The following ZNF469 variants were observed in gnomAD, a reference collection of about 807,000 sequenced individuals.
The protein encoded by ZNF469 is zinc finger protein 469.
Under a neutral mutation model 1.0 loss-of-function variants are expected in ZNF469, and 1 was observed. That is an observed-to-expected ratio of 1.00 (90% confidence interval 0.35 to 4.73). ZNF469 has a LOEUF of 4.73. ZNF469 is among the 30% of genes most tolerant of loss of function. ZNF469 has a pLI of 0.16. For missense variants in ZNF469, 6,100 were observed against 5,356.3 expected (o/e 1.14, Z -4.33); for synonymous variants, 2,703 against 2,363.4 (o/e 1.14, Z -4.17).
At chr16:88,251,170 G>T in the ZNF469 span, among the ~76,000 whole-genome samples, 28 of 152,282 alleles carry the variant, frequency 1.8e-4, no homozygotes, top group African/African-American at 6.5e-4. Context: ...GAGCCACCGC[G>T]CCCGGCCTGT....
At chr16:88,239,701 ATATATATATATATATTTTTTTTTTTT>A in the ZNF469 span, among the ~76,000 whole-genome samples, 73 of 8,658 alleles carry the variant, frequency 8.4e-3, 7 homozygotes, top group African/African-American at 0.016. Context: ...ATATATATAT[ATATATATATATATATTTTTTTTTTTT>A]TTTTTTTTTT....
At chr16:88,183,851 C>T in the ZNF469 span, among the ~76,000 whole-genome samples, 1 of 152,160 alleles carries the variant, frequency 6.6e-6, no homozygotes, top group Admixed American at 6.5e-5. Context: ...GCTGGGCCCA[C>T]CTTGCCCGGT....
upstream of ZNF469, among the ~76,000 whole-genome samples, chr16:88,380,131 ACAGACACACACT>A (rs1219611054): frequency 1.0e-4 from 11 of 108,692 alleles, no homozygotes; most frequent in African/African-American, 7.9e-4. Context: ...AAACACACAC[ACAGACACACACT>A]CACACACAAA....
At chr16:88,319,359 C>T in the ZNF469 span, among the ~76,000 whole-genome samples, 1 of 152,142 alleles carries the variant, frequency 6.6e-6, no homozygotes, top group Admixed American at 6.5e-5. Flanking sequence ...TCTGCAGGGC[C>T]AGGAGACTTT....
chr16:88,248,470 G>C, the ZNF469 span, among the ~76,000 whole-genome samples: 987 of 152,198 alleles, frequency 6.5e-3, 8 homozygotes, highest in Non-Finnish European at 0.01. Context: ...CCAGCACTTT[G>C]GGAGGCCAAG....
At position 88,437,449 on chromosome 16, in the gene ZNF469, C is replaced by A; in HGVS notation, c.9979C>A (p.Pro3327Thr). ...CGGGGAGCCCCTCCTGCAAGCCACC[C>A]CGGTGCACGAGGCCTGCAAGGACCC... ...AGGEPLLQAT[P>T]VHEACKDPSR... The change falls in exon 3 of 3, where the codon CCG (proline) becomes ACG (threonine). Residue 3327 changes from proline to threonine, a missense_variant. By Grantham distance (38) the Pro-to-Thr change is conservative. Transcript: ENST00000565624. The A allele has an allele frequency of 6.5e-7, 1 of 1,527,620 alleles. No homozygotes were observed. The highest frequency in any genetic ancestry group is 8.8e-7 in the Non-Finnish European group (1 of 1,133,186). 94.6% of individuals were successfully genotyped at this position (1,527,620 alleles called of 1,614,324 possible). A position where few individuals can be genotyped will look rare whatever the true frequency, so the allele number is the denominator to read the frequency against.
At chr16:88,186,914 C>G in the ZNF469 span, among the ~76,000 whole-genome samples, 1 of 151,960 alleles carries the variant, frequency 6.6e-6, no homozygotes, top group East Asian at 1.9e-4. Flanking sequence ...CAGGACACGC[C>G]GGAGACACTG....
chr16:88,243,050 G>T, the ZNF469 span, among the ~76,000 whole-genome samples: 1 of 152,178 alleles, frequency 6.6e-6, no homozygotes, highest in Non-Finnish European at 1.5e-5. Context: ...CTGCTGGCCA[G>T]CCCGGGTATT....
In ZNF469 at chr16:88,437,992, C is replaced by G. The variant is rs1446234442; in HGVS notation, c.10522C>G (p.Leu3508Val). ...PILSEGSLPA[L>V]LHLCSEVAPS... ...CCTGAGTGAGGGCTCTCTCCCGGCCCTGCTCCACCTGTGTTCGGAGGTGGC... is the reference window on the plus strand; with the variant it reads ...CCTGAGTGAGGGCTCTCTCCCGGCCGTGCTCCACCTGTGTTCGGAGGTGGC... Residue 3508 changes from leucine to valine, a missense_variant, in exon 3 of 3, where the codon CTG becomes GTG. Leu to Val is a conservative substitution (Grantham distance 32, BLOSUM62 1). Coordinates refer to ENST00000565624, the MANE Select transcript of ZNF469 (RefSeq NM_001367624.2). The G allele has an allele frequency of 1.3e-6, 2 of 1,549,000 alleles. No individual in the cohort carries two copies.
chr16:88,439,480 G>T lies in ZNF469; in HGVS notation c.*148G>T. ...AGGCCTTGATGTCAGAGCTGAGGTG[G>T]TGATGCTTTGAACAGGGCCCAGGTG... On this transcript the variant is annotated 3_prime_UTR_variant, in exon 3 of 3. Coordinates refer to ENST00000565624, the MANE Select transcript of ZNF469 (RefSeq NM_001367624.2). The T allele has an allele frequency of 1.1e-6, 1 of 910,302 alleles. No individual in the cohort carries two copies. The highest frequency in any genetic ancestry group is 1.6e-5 in the South Asian group (1 of 62,468). 56.4% of individuals were successfully genotyped at this position (910,302 alleles called of 1,614,324 possible).
rs539532938 is a variant in ZNF469 at position 88,424,989 on chromosome 16, G to C, written c.-127+118G>C. Among the ~76,000 whole-genome samples, 1 of 150,654 alleles carries C rather than the reference G, an allele frequency of 6.6e-6. No individual in the cohort carries two copies. Among genetic ancestry groups the C allele is most frequent in the Admixed American group, 6.6e-5 (1 of 15,170 alleles). On this transcript the variant is annotated intron_variant, in intron 2 of 2. Coordinates refer to ENST00000565624, the MANE Select transcript of ZNF469 (RefSeq NM_001367624.2). This position sits in a 1 kb window ranked among gnomAD's most constrained non-coding sequence, Gnocchi z 4.3. ...TCCTCTCCCTCTCAGGACAGTAACC[G>C]GGCCTGCCTACTGCCTCCCGAGAGC...
At chr16:88,130,559 A>T in the ZNF469 span, among the ~76,000 whole-genome samples, 1 of 152,028 alleles carries the variant, frequency 6.6e-6, no homozygotes, top group Non-Finnish European at 1.5e-5. Flanking sequence ...TACAAAAATT[A>T]GCTGGGCGTG....
the ZNF469 span, among the ~76,000 whole-genome samples, chr16:88,277,407 T>G: frequency 6.8e-6 from 1 of 147,682 alleles, no homozygotes; most frequent in East Asian, 2.1e-4. Context: ...GTCAGTACCA[T>G]GTAGATATCA....
the ZNF469 span, among the ~76,000 whole-genome samples, chr16:88,110,482 G>C: frequency 6.6e-6 from 1 of 152,250 alleles, no homozygotes; most frequent in African/African-American, 2.4e-5. Flanking sequence ...TTTGCTTACA[G>C]TGTCTGTGAG....
chr16:88,371,820 TATC>T, the ZNF469 span, among the ~76,000 whole-genome samples: 1 of 151,758 alleles, frequency 6.6e-6, no homozygotes, highest in African/African-American at 2.4e-5. Flanking sequence ...TCACCATCAC[TATC>T]ATCACCACCA....
At chr16:88,291,653 G>GC in the ZNF469 span, among the ~76,000 whole-genome samples, 5 of 151,838 alleles carry the variant, frequency 3.3e-5, no homozygotes, top group South Asian at 2.1e-4. Context: ...CCATGCAGAC[G>GC]CCCCCCTTCA....
the ZNF469 span, among the ~76,000 whole-genome samples, chr16:88,155,663 T>C: frequency 3.3e-5 from 5 of 152,246 alleles, no homozygotes; most frequent in African/African-American, 7.2e-5. Context: ...CTGAATCATA[T>C]TCCATGGTGT....
At chr16:88,381,114 ACACACG>A (rs1567495880), upstream of ZNF469, among the ~76,000 whole-genome samples, 2 of 145,270 alleles carry the variant, frequency 1.4e-5, no homozygotes, top group African/African-American at 5.3e-5. Flanking sequence ...ATGCACTCGC[ACACACG>A]CACACACAGA....
chr16:88,212,599 T>C, the ZNF469 span, among the ~76,000 whole-genome samples: 1 of 152,184 alleles, frequency 6.6e-6, no homozygotes, highest in African/African-American at 2.4e-5. Flanking sequence ...TTATTTATTT[T>C]AGACAAGGTC....
Sources: allele counts gnomAD v4.1 joint callset (sites outside exome capture counted in the v4.1 genomes callset), GRCh38; gene constraint gnomAD v4.1.1; non-coding constraint Gnocchi (gnomAD v3.1); transcripts MANE v1.5; gene names NCBI Gene and HGNC (gene_info 2026-07-23, HGNC 2026-07-21).